The following TPD52L1 variants were observed in gnomAD, a reference collection of about 807,000 sequenced individuals.
TPD52L1 encodes the protein TPD52 like 1.
Under a neutral mutation model 28.7 loss-of-function variants are expected in TPD52L1, and 18 were observed. The ratio of observed to expected loss-of-function variants is 0.63; its 90% CI spans 0.43 to 0.93. TPD52L1 has a LOEUF of 0.93. Among genes scored for constraint, TPD52L1 ranks in the 40% least tolerant of loss-of-function variants. The pLI, the probability that TPD52L1 is intolerant of heterozygous loss-of-function variation, is 0.00. For missense variants in TPD52L1, 203 were observed against 254.8 expected (o/e 0.80, Z 1.39); for synonymous variants, 75 against 88.8 (o/e 0.84, Z 0.88).
chr6:125,212,939 G>A (rs987875841), intron 1 of TPD52L1, among the ~76,000 whole-genome samples: 4 of 152,138 alleles, frequency 2.6e-5, no homozygotes, highest in African/African-American at 7.2e-5. Flanking sequence ...CCTGGCCAAC[G>A]GAGAAGTGCA....
At chr6:125,214,410 C>T in intron 1 of TPD52L1, 1 of 978,780 alleles carries the variant, frequency 1.0e-6, no homozygotes, top group East Asian at 1.1e-4. Flanking sequence ...TTCTCTCCTC[C>T]TTTCCTCTTC....
chr6:125,182,883 C>T (rs1435585534), intron 1 of TPD52L1, among the ~76,000 whole-genome samples: 15 of 152,180 alleles, frequency 9.9e-5, no homozygotes, highest in Admixed American at 9.8e-4. Context: ...TTACATATCA[C>T]ATATGAATTC....
intron 3 of TPD52L1, among the ~76,000 whole-genome samples, chr6:125,240,183 G>A (rs557096680): frequency 1.6e-4 from 24 of 152,114 alleles, no homozygotes; most frequent in African/African-American, 4.8e-4. Context: ...ATTGTTCTAC[G>A]TGCCTATTTT....
In TPD52L1 at chr6:125,175,636, G is replaced by A. The variant is rs117571423; in HGVS notation, c.19+21666G>A. On this transcript the variant is annotated intron_variant, in intron 1 of 6. Transcript: ENST00000534000. ...GAAGGAAAAATAAATAGGGAGAGAG[G>A]ACAATATGCCTGGAGGCTGGAGAGA... 4.5e-3 allele frequency among the ~76,000 whole-genome samples: 689 copies of A among 152,200 alleles called. 4 individuals are homozygous for A. The highest frequency in any genetic ancestry group is 0.036 in the East Asian group (184 of 5,174).
intron 1 of TPD52L1, among the ~76,000 whole-genome samples, chr6:125,177,789 CT>C (rs1791914043): frequency 6.6e-6 from 1 of 152,140 alleles, no homozygotes; most frequent in Non-Finnish European, 1.5e-5. Flanking sequence ...CAAACCATTA[CT>C]TTTAAAGCGA....
chr6:125,231,837 A>G (rs771218865), intron 3 of TPD52L1, among the ~76,000 whole-genome samples: 1 of 152,176 alleles, frequency 6.6e-6, no homozygotes, highest in African/African-American at 2.4e-5. Context: ...GTTGAAATCT[A>G]GGCCTTGCTG....
intron 1 of TPD52L1, among the ~76,000 whole-genome samples, chr6:125,199,506 T>C (rs1793664528): frequency 6.6e-6 from 1 of 152,036 alleles, no homozygotes; most frequent in Admixed American, 6.6e-5. Flanking sequence ...ACCAACATGG[T>C]AAAACCTCAT....
chr6:125,257,014 A>T, intron 5 of TPD52L1, 84 bp from the exon 6 acceptor site: 1 of 1,219,544 alleles, frequency 8.2e-7, no homozygotes, highest in Non-Finnish European at 1.2e-6. Context: ...GGCCGTGTTT[A>T]CAGATATGAG....
At chr6:125,179,907 T>A (rs975630555) in intron 1 of TPD52L1, among the ~76,000 whole-genome samples, 1 of 152,180 alleles carries the variant, frequency 6.6e-6, no homozygotes, top group African/African-American at 2.4e-5. Flanking sequence ...AGGAGTGGTT[T>A]TTTAAGAGGG....
intron 1 of TPD52L1, among the ~76,000 whole-genome samples, chr6:125,175,325 C>A (rs188341148): frequency 6.6e-6 from 1 of 151,964 alleles, no homozygotes; most frequent in Non-Finnish European, 1.5e-5. Flanking sequence ...GCAGCATGGA[C>A]GTTTCAACTT....
intron 1 of TPD52L1, among the ~76,000 whole-genome samples, chr6:125,172,534 A>ACACACACACATACATATACACAC: frequency 1.1e-5 from 1 of 90,948 alleles, no homozygotes; most frequent in East Asian, 6.0e-4. Flanking sequence ...ATATATATAT[A>ACACACACACATACATATACACAC]TATATATATA....
At chr6:125,258,249 T>C (rs1396794472) in intron 6 of TPD52L1, among the ~76,000 whole-genome samples, 1 of 152,190 alleles carries the variant, frequency 6.6e-6, no homozygotes, top group African/African-American at 2.4e-5. Flanking sequence ...TTACTCAGCA[T>C]TTACCATGCC....
chr6:125,229,968 T>A (rs950338612), intron 3 of TPD52L1, among the ~76,000 whole-genome samples: 2 of 151,928 alleles, frequency 1.3e-5, no homozygotes, highest in African/African-American at 4.8e-5. Flanking sequence ...GCCCCTGTAA[T>A]CCCAGCTACT....
intron 6 of TPD52L1, chr6:125,261,011 AAAGAAAGAAAAGAAAAGAAAGAAAGAAAG>A (rs1797995474): frequency 3.3e-5 from 1 of 30,004 alleles, no homozygotes; most frequent in Admixed American, 3.9e-4. Context: ...AGAAAGAAAG[AAAGAAAGAAAAGAAAAGAAAGAAAGAAAG>A]AAAGAAAGAA....
chr6:125,182,337 G>A (rs951835496), intron 1 of TPD52L1, among the ~76,000 whole-genome samples: 1 of 152,158 alleles, frequency 6.6e-6, no homozygotes, highest in African/African-American at 2.4e-5. Context: ...TTTTCATGAT[G>A]TATAAGCACA....
chr6:125,154,754 G>C (rs1337343309), intron 1 of TPD52L1, among the ~76,000 whole-genome samples: 1 of 152,194 alleles, frequency 6.6e-6, no homozygotes, highest in African/African-American at 2.4e-5. Context: ...AAGGGGCAGA[G>C]GTGGGCGGAT....
At chr6:125,232,431 T>G (rs1382244351) in intron 3 of TPD52L1, among the ~76,000 whole-genome samples, 1 of 152,184 alleles carries the variant, frequency 6.6e-6, no homozygotes, top group East Asian at 1.9e-4. Flanking sequence ...CTCTTAGTGC[T>G]GTTTATGATA....
intron 1 of TPD52L1, among the ~76,000 whole-genome samples, chr6:125,175,238 G>A (rs905500083): frequency 6.6e-6 from 1 of 152,068 alleles, no homozygotes; most frequent in East Asian, 1.9e-4. Context: ...TACATGCGGG[G>A]AAAACAATGA....
At chr6:125,174,596 G>T (rs899750229) in intron 1 of TPD52L1, among the ~76,000 whole-genome samples, 2 of 152,202 alleles carry the variant, frequency 1.3e-5, no homozygotes, top group African/African-American at 2.4e-5. Context: ...TATTTACTAG[G>T]ATGAAAGCTT....
Sources: allele counts gnomAD v4.1 joint callset (sites outside exome capture counted in the v4.1 genomes callset), GRCh38; gene constraint gnomAD v4.1.1; transcripts MANE v1.5; gene names NCBI Gene and HGNC (gene_info 2026-07-23, HGNC 2026-07-21).